GTF2H3: variants seen among roughly 807,000 people sequenced by gnomAD.
GTF2H3 encodes general transcription factor IIH subunit 3.
A neutral mutation model predicts 51.1 loss-of-function variants in GTF2H3; 42 were observed. That is an observed-to-expected ratio of 0.82 (90% confidence interval 0.64 to 1.06). GTF2H3 has a LOEUF of 1.06. GTF2H3 is among the 50% of genes least tolerant of loss of function. GTF2H3 has a pLI of 0.00. For missense variants in GTF2H3, 326 were observed against 366.1 expected (o/e 0.89, Z 0.89); for synonymous variants, 123 against 123.8 (o/e 0.99, Z 0.04).
intron 2 of GTF2H3, among the ~76,000 whole-genome samples, chr12:123,643,577 C>T (rs533013698): frequency 5.3e-5 from 8 of 152,180 alleles, no homozygotes; most frequent in Admixed American, 1.3e-4. Flanking sequence ...CAGTGTATTT[C>T]GTGGCCATTT....
At chr12:123,642,295 C>T (rs893837970) in intron 2 of GTF2H3, among the ~76,000 whole-genome samples, 6 of 152,054 alleles carry the variant, frequency 3.9e-5, no homozygotes, top group African/African-American at 7.2e-5. Context: ...CTCAGCCTCC[C>T]GAGTAGCTGG....
chr12:123,654,878 G>C, intron 7 of GTF2H3, 46 bp from the exon 8 acceptor site: 1 of 1,278,888 alleles, frequency 7.8e-7, no homozygotes. Flanking sequence ...TGGTGTGAGA[G>C]GACTGGCATG....
At chr12:123,635,168 T>C (rs1287726906) in intron 1 of GTF2H3, among the ~76,000 whole-genome samples, 1 of 152,248 alleles carries the variant, frequency 6.6e-6, no homozygotes, top group Non-Finnish European at 1.5e-5. Context: ...CACCTTTCTT[T>C]ACAGGCAACG....
At chr12:123,655,339 C>G (rs977587324) in intron 8 of GTF2H3, among the ~76,000 whole-genome samples, 1 of 151,938 alleles carries the variant, frequency 6.6e-6, no homozygotes, top group Non-Finnish European at 1.5e-5. Flanking sequence ...GTTGCTGTGG[C>G]GAAGCTGTAA....
intron 3 of GTF2H3, among the ~76,000 whole-genome samples, chr12:123,647,498 G>A (rs1955465094): frequency 6.6e-6 from 1 of 151,998 alleles, no homozygotes; most frequent in African/African-American, 2.4e-5. Context: ...ATGAATCACT[G>A]GGAGAATCTT....
intron 4 of GTF2H3, chr12:123,649,538 C>A (rs1955494232): frequency 6.6e-6 from 1 of 152,224 alleles, no homozygotes. Context: ...CTCCTGTCTC[C>A]CCAGTCAAGC....
Position 123,659,543 on chromosome 12 carries a change from CTGAAGG to C in GTF2H3, c.646_651del (p.Lys216_Val217del), listed in dbSNP as rs1284075734. On this transcript the variant is annotated inframe_deletion, in exon 10 of 13. Coordinates refer to ENST00000543341, the MANE Select transcript of GTF2H3 (RefSeq NM_001516.5). ...TTGTGACATCACGGGAGGACTGTAC[CTGAAGG>C]TGCCTCAGATGCCTTCTCTTCTGCA... The C allele has an allele frequency of 6.2e-7, 1 of 1,614,130 alleles. No individual in the cohort carries two copies. Among genetic ancestry groups the C allele is most frequent in the Non-Finnish European group, 8.5e-7 (1 of 1,180,034 alleles).
rs181000783 is a variant in GTF2H3 at position 123,647,756 on chromosome 12, T to C, written c.201-207T>C. On this transcript the variant is annotated intron_variant, in intron 3 of 12. Transcript: ENST00000543341. ...ATAGACAAATGTTGGCCAGTTTGCC[T>C]ATTTTATACATTTTTTCTTTGTTTT... Among the ~76,000 whole-genome samples, 298 of 152,336 alleles carry C rather than the reference T, an allele frequency of 2.0e-3. 1 individual carries two copies. Among genetic ancestry groups the C allele is most frequent in the African/African-American group, 6.5e-3 (271 of 41,578 alleles).
chr12:123,635,373 C>T (rs1303245354), intron 1 of GTF2H3, among the ~76,000 whole-genome samples: 3 of 152,164 alleles, frequency 2.0e-5, no homozygotes, highest in Non-Finnish European at 2.9e-5. Context: ...GAGTTCGAGA[C>T]CAGCCTGGCC....
At chr12:123,648,712 T>A (rs1213580861) in intron 4 of GTF2H3, among the ~76,000 whole-genome samples, 2 of 152,244 alleles carry the variant, frequency 1.3e-5, no homozygotes, top group Non-Finnish European at 1.5e-5. Flanking sequence ...AAGCTTTCAT[T>A]TTTAACTCCT....
Position 123,643,708 on chromosome 12 carries a change from T to C in GTF2H3, c.94-1747T>C, listed in dbSNP as rs563482811. Among the ~76,000 whole-genome samples, 18 of 152,336 alleles carry C rather than the reference T, an allele frequency of 1.2e-4. No homozygotes were observed. In the South Asian group the frequency reaches 1.7e-3, roughly 14 times the overall value. ...TAAAGGATTAACCCATTACTTGCCA[T>C]GTGTTGCAACTGGTTTTTTCCAGTT... is the stretch of plus-strand genomic sequence containing the variant. On this transcript the variant is annotated intron_variant, in intron 2 of 12. Coordinates refer to ENST00000543341, the MANE Select transcript of GTF2H3 (RefSeq NM_001516.5).
intron 1 of GTF2H3, among the ~76,000 whole-genome samples, chr12:123,637,889 A>G (rs1236064791): frequency 6.6e-6 from 1 of 151,984 alleles, no homozygotes; most frequent in East Asian, 1.9e-4. Flanking sequence ...CCTCCCTTTA[A>G]TTTTTTGCTC....
intron 8 of GTF2H3, chr12:123,655,482 C>T: frequency 2.7e-6 from 1 of 373,270 alleles, no homozygotes; most frequent in East Asian, 4.4e-5. Context: ...CTGCTATAGC[C>T]ATGCATAATG....
intron 5 of GTF2H3, among the ~76,000 whole-genome samples, chr12:123,651,358 C>T (rs1054709580): frequency 4.6e-5 from 7 of 152,100 alleles, no homozygotes; most frequent in Non-Finnish European, 1.0e-4. Context: ...CAGGCACCCG[C>T]CATCACTCCC....
At chr12:123,653,702 G>A (rs1421109437) in intron 7 of GTF2H3, among the ~76,000 whole-genome samples, 1 of 151,964 alleles carries the variant, frequency 6.6e-6, no homozygotes, top group African/African-American at 2.4e-5. Flanking sequence ...TTGTTGCTTA[G>A]CACAAATGAA....
chr12:123,647,218 C>G (rs34701722), intron 3 of GTF2H3, among the ~76,000 whole-genome samples: 1 of 150,972 alleles, frequency 6.6e-6, no homozygotes, highest in African/African-American at 2.4e-5. Context: ...GCCTGTAATC[C>G]CAGCACTTCA....
intron 2 of GTF2H3, among the ~76,000 whole-genome samples, chr12:123,640,823 T>C (rs1593795457): frequency 6.6e-6 from 1 of 152,056 alleles, no homozygotes; most frequent in Admixed American, 6.6e-5. Flanking sequence ...AAAGCAGAGG[T>C]GGGTAGCAAT....
intron 7 of GTF2H3, 58 bp downstream of exon 7, chr12:123,652,793 G>A: frequency 1.4e-6 from 2 of 1,408,822 alleles, no homozygotes; most frequent in Non-Finnish European, 1.9e-6. Context: ...AAACATAACG[G>A]GAGACCAGGT....
intron 7 of GTF2H3, among the ~76,000 whole-genome samples, chr12:123,653,134 G>C (rs147651663): frequency 2.0e-5 from 3 of 151,908 alleles, no homozygotes; most frequent in Non-Finnish European, 4.4e-5. Flanking sequence ...GAAATAAAAC[G>C]CATTTATAGT....
Sources: gnomAD v4.1 joint callset for allele counts (sites outside exome capture counted in the v4.1 genomes callset) on GRCh38, gnomAD v4.1.1 for gene constraint, MANE v1.5 for transcripts, NCBI Gene and HGNC (gene_info 2026-07-23, HGNC 2026-07-21) for gene names.